The following RPH3AL variants were observed in gnomAD, a reference collection of about 807,000 sequenced individuals.
The protein encoded by RPH3AL is rabphilin 3A like (without C2 domains).
A neutral mutation model predicts 43.1 loss-of-function variants in RPH3AL; 38 were observed. The observed-to-expected ratio is 0.88, with a 90% CI of 0.68 to 1.15. The LOEUF (loss-of-function observed/expected upper bound fraction) is 1.15, where lower values mean the gene tolerates loss of function less well. RPH3AL is among the 50% of genes most tolerant of loss of function. The pLI is 0.00. For synonymous variants in RPH3AL, 189 were observed against 176.3 expected (o/e 1.07, Z -0.57); for missense variants, 462 against 423.2 (o/e 1.09, Z -0.81).
At position 215,783 on chromosome 17, in the gene RPH3AL, G is replaced by C; in HGVS notation, c.747C>G (p.Pro249=). Residue 249 remains proline, a synonymous_variant, in exon 9 of 10, where the codon CCC becomes CCG. Transcript: ENST00000331302. The surrounding 1 kb of genome is among the most constrained non-coding windows in gnomAD (Gnocchi z 4.1). Reference sequence around the variant, plus strand: ...CCGGCGGGTGGGTGAACCCCATCCTGGGGGCCTCCACGCTGCCACCTGTGG... The same window carrying C: ...CCGGCGGGTGGGTGAACCCCATCCTCGGGGCCTCCACGCTGCCACCTGTGG... The part of the protein sequence containing the change: ...WKESGGSVEA[P]RMGFTHPPGH... 2.3e-6 allele frequency: 3 copies of C among 1,304,392 alleles called. No homozygotes were observed. The highest frequency in any genetic ancestry group is 2.0e-6 in the Non-Finnish European group (2 of 1,023,254). The allele number at this position is 1,304,392 out of a possible 1,614,324, so 80.8% of individuals were successfully genotyped here.
chr17:278,949 C>T (rs1408671702), intron 6 of RPH3AL, among the ~76,000 whole-genome samples: 2 of 152,078 alleles, frequency 1.3e-5, no homozygotes, highest in African/African-American at 4.8e-5. Flanking sequence ...AAAATACTTA[C>T]AATTACAGCC....
intron 7 of RPH3AL, among the ~76,000 whole-genome samples, chr17:232,870 G>GTGTGTC (rs1374891957): frequency 7.1e-6 from 1 of 141,092 alleles, no homozygotes; most frequent in Non-Finnish European, 1.5e-5. Context: ...GTGTGTGTGT[G>GTGTGTC]TGTGTGTGTG....
At chr17:271,549 G>A (rs111306415) in intron 6 of RPH3AL, among the ~76,000 whole-genome samples, 8,792 of 152,198 alleles carry the variant, frequency 0.058, 332 homozygotes, top group Non-Finnish European at 0.085. Flanking sequence ...TTGTGAATGG[G>A]AGTTCACTCA....
intron 6 of RPH3AL, among the ~76,000 whole-genome samples, chr17:269,160 G>A (rs369139372): frequency 3.6e-4 from 55 of 152,216 alleles, no homozygotes; most frequent in African/African-American, 1.0e-3. Context: ...TCACAGGCGT[G>A]AGCCACCGTG....
chr17:241,055 CAATAAT>C (rs57086885), intron 7 of RPH3AL, among the ~76,000 whole-genome samples: 3,931 of 143,508 alleles, frequency 0.027, 156 homozygotes, highest in African/African-American at 0.093. Flanking sequence ...GACTCCATCT[CAATAAT>C]AATAATAATA....
At chr17:301,672 C>A (rs1171651431) in intron 5 of RPH3AL, among the ~76,000 whole-genome samples, 1 of 152,120 alleles carries the variant, frequency 6.6e-6, no homozygotes, top group East Asian at 1.9e-4. Flanking sequence ...CTCCTGGCTT[C>A]CAGTGATCCT....
rs1399499975 is a variant in RPH3AL at position 215,687 on chromosome 17, C to T, written c.843G>A (p.Gly281=). ...TTCGGGTCAGCCCGGGGCGGGGTCC[C>T]CCTGGCGGGTCAGCAGAGCCTGTCC... is the stretch of plus-strand genomic sequence containing the variant. ...ETGTGSADPP[G]GPRPGLTRRA... Residue 281 remains glycine (G), a synonymous_variant, in exon 9 of 10, where the codon GGG becomes GGA. Transcript: ENST00000331302. This position sits in a 1 kb window ranked among gnomAD's most constrained non-coding sequence, Gnocchi z 4.1. 4 of 1,275,706 alleles carry T rather than the reference C, an allele frequency of 3.1e-6. No individual in the cohort carries two copies. The East Asian group carries it at 9.4e-5, about 30-fold the overall frequency. The allele number at this position is 1,275,706 out of a possible 1,614,324, so 79.0% of individuals were successfully genotyped here. A position where few individuals can be genotyped will look rare whatever the true frequency, so the allele number is the denominator to read the frequency against.
At chr17:282,393 G>A (rs916700026) in intron 5 of RPH3AL, among the ~76,000 whole-genome samples, 26 of 152,326 alleles carry the variant, frequency 1.7e-4, no homozygotes, top group African/African-American at 4.8e-4. Flanking sequence ...TGAGGAACCC[G>A]GGGCTTGGCA....
rs2043032880 is a variant in RPH3AL at position 290,893 on chromosome 17, A to G, written c.352-9039T>C. On this transcript the variant is annotated intron_variant, in intron 5 of 9. Coordinates refer to ENST00000331302, the MANE Select transcript of RPH3AL (RefSeq NM_006987.4). The surrounding 1 kb of genome is among the most constrained non-coding windows in gnomAD (Gnocchi z 4.2). ...GCTTCACAGCGTCACCATCCATGGC[A>G]CAGAGAGGGCTGTTCATGAGCCTCA... Among the ~76,000 whole-genome samples the G allele has an allele frequency of 6.6e-6, 1 of 152,128 alleles. No individual in the cohort carries two copies. The highest frequency in any genetic ancestry group is 1.5e-5 in the Non-Finnish European group (1 of 68,018).
intron 6 of RPH3AL, among the ~76,000 whole-genome samples, chr17:249,753 C>T (rs1331428571): frequency 3.3e-5 from 5 of 152,014 alleles, no homozygotes; most frequent in Non-Finnish European, 7.4e-5. Context: ...CGCTGCGGGA[C>T]GTCTCAGAGC....
chr17:331,753 C>A, intron 2 of RPH3AL: 1 of 1,289,166 alleles, frequency 7.8e-7, no homozygotes, highest in Non-Finnish European at 1.0e-6. Flanking sequence ...TCAGCACTCA[C>A]CTCTTGGGCT....
chr17:235,635 C>G (rs113666563), intron 7 of RPH3AL, among the ~76,000 whole-genome samples: 40 of 120,188 alleles, frequency 3.3e-4, no homozygotes, highest in African/African-American at 4.0e-4. Context: ...AGGCTCCACA[C>G]TAACAAGATG....
In RPH3AL at chr17:319,400, G is replaced by T; in HGVS notation, c.351+20C>A. 2 of 1,608,638 alleles carry T rather than the reference G, an allele frequency of 1.2e-6. No individual in the cohort carries two copies. Among genetic ancestry groups the T allele is most frequent in the Middle Eastern group, 1.7e-4 (1 of 6,044 alleles). On this transcript the variant is annotated intron_variant, in intron 5 of 9. Coordinates refer to ENST00000331302, the MANE Select transcript of RPH3AL (RefSeq NM_006987.4). ...TCCAGGCTGGGAAGCCAGAATGACA[G>T]GGCCAGAGCAGGGTCTTACCTTCCT...
intron 3 of RPH3AL, 91 bp downstream of exon 3, chr17:327,376 C>T: frequency 8.5e-7 from 1 of 1,175,570 alleles, no homozygotes; most frequent in Non-Finnish European, 1.3e-6. Context: ...ACATCTCTTT[C>T]TGGGCCCCTG....
chr17:228,783 C>T (rs996943602), intron 7 of RPH3AL, among the ~76,000 whole-genome samples: 1 of 152,164 alleles, frequency 6.6e-6, no homozygotes, highest in Admixed American at 6.5e-5. Flanking sequence ...AGAAATCCTC[C>T]TCTCCAGGCG....
intron 5 of RPH3AL, among the ~76,000 whole-genome samples, chr17:315,581 T>A (rs2043996782): frequency 3.3e-5 from 5 of 150,828 alleles, no homozygotes; most frequent in Admixed American, 2.0e-4. Context: ...TCCATTGACC[T>A]GTAGTCCCTG....
intron 3 of RPH3AL, among the ~76,000 whole-genome samples, chr17:324,702 G>C (rs368758169): frequency 4.0e-4 from 48 of 119,818 alleles, no homozygotes; most frequent in Non-Finnish European, 7.3e-4. Context: ...TAGCTAGCTA[G>C]CTATGTACCT....
At chr17:293,062 G>A (rs879719945) in intron 5 of RPH3AL, among the ~76,000 whole-genome samples, 13 of 152,164 alleles carry the variant, frequency 8.5e-5, no homozygotes, top group African/African-American at 2.7e-4. Flanking sequence ...GGGCCGAGCC[G>A]CCTCTCTTTA....
intron 6 of RPH3AL, among the ~76,000 whole-genome samples, chr17:251,713 G>C (rs966501028): frequency 2.6e-5 from 4 of 152,366 alleles, no homozygotes; most frequent in African/African-American, 9.6e-5. Flanking sequence ...GCTCATTAGA[G>C]CAGGTACCCA....
Sources: allele counts gnomAD v4.1 joint callset (sites outside exome capture counted in the v4.1 genomes callset), GRCh38; gene constraint gnomAD v4.1.1; non-coding constraint Gnocchi (gnomAD v3.1); transcripts MANE v1.5; gene names NCBI Gene and HGNC (gene_info 2026-07-23, HGNC 2026-07-21).